The following XPA variants were observed in gnomAD, a reference collection of about 807,000 sequenced individuals.
XPA encodes DNA repair protein complementing XP-A cells.
A neutral mutation model predicts 35.7 loss-of-function variants in XPA; 27 were observed. The ratio of observed to expected loss-of-function variants is 0.76; its 90% confidence interval spans 0.56 to 1.04. The LOEUF (loss-of-function observed/expected upper bound fraction) is 1.04, where lower values mean the gene tolerates loss of function less well. Ranked by LOEUF, XPA falls within the 50% of genes least tolerant of loss-of-function variation. XPA has a pLI of 0.00. For synonymous variants in XPA, 133 were observed against 118.4 expected (o/e 1.12, Z -0.80); for missense variants, 354 against 342.7 (o/e 1.03, Z -0.26).
chr9:97,666,852 A>C, the XPA span: 1 of 1,609,662 alleles, frequency 6.2e-7, no homozygotes, highest in South Asian at 1.1e-5. Flanking sequence ...GAAGCTAAAG[A>C]GAAACTTGCT....
At chr9:97,657,910 A>C in the XPA span, among the ~76,000 whole-genome samples, 31,889 of 105,182 alleles carry the variant, frequency 0.3, 4,672 homozygotes, top group South Asian at 0.44. Context: ...CTCTCTCTAT[A>C]TATATATATA....
intron 5 of XPA, 143 bp downstream of exon 5, chr9:97,684,780 A>G (rs1828659022): frequency 1.3e-6 from 1 of 748,646 alleles, no homozygotes; most frequent in East Asian, 2.6e-5. Context: ...CAACATACTG[A>G]GGGCAAACTG....
chr9:97,677,003 A>G (rs1428149208), intron 5 of XPA, among the ~76,000 whole-genome samples: 1 of 152,166 alleles, frequency 6.6e-6, no homozygotes, highest in Non-Finnish European at 1.5e-5. Context: ...CCAGAACTCC[A>G]CAGATGCCCT....
In XPA at chr9:97,675,423, TCACTG is replaced by T; in HGVS notation, c.*11_*15del. The T allele has an allele frequency of 6.2e-7, 1 of 1,612,012 alleles. No homozygotes were observed. On this transcript the variant is annotated 3_prime_UTR_variant, in exon 6 of 6. Coordinates refer to ENST00000375128, the MANE Select transcript of XPA (RefSeq NM_000380.4). ...TAAATATAAAATTCTATAAAACAGG[TCACTG>T]AACTAAAAAATCACATTTTTTCATA...
chr9:97,690,496 T>G lies in XPA; in HGVS notation c.284-857A>C, dbSNP rs149160477. On this transcript the variant is annotated intron_variant, in intron 2 of 5. Coordinates refer to ENST00000375128, the MANE Select transcript of XPA (RefSeq NM_000380.4). ...TTCACCTCCTGGGTTCAAGCGATTC[T>G]CCTGCCTCAGCCTCCCAAGTAGCTG... Among the ~76,000 whole-genome samples the G allele has an allele frequency of 1.2e-3, 189 of 152,370 alleles. 1 individual carries two copies. Among genetic ancestry groups the G allele is most frequent in the African/African-American group, 4.4e-3 (181 of 41,590 alleles).
chr9:97,668,760 A>C, the XPA span: 1 of 1,444,560 alleles, frequency 6.9e-7, no homozygotes, highest in Non-Finnish European at 9.3e-7. Flanking sequence ...ACATTTGGCC[A>C]GACACAGTAA....
chr9:97,687,344 A>G (rs780806877), intron 3 of XPA, 83 bp from the exon 4 acceptor site: 6 of 1,241,434 alleles, frequency 4.8e-6, no homozygotes, highest in Non-Finnish European at 5.5e-6. Flanking sequence ...TTAGGGGCAC[A>G]CACAGCAAAA....
At chr9:97,671,457 A>AT (rs954400059), downstream of XPA, 38 of 363,544 alleles carry the variant, frequency 1.0e-4, no homozygotes, top group Non-Finnish European at 1.2e-4. Flanking sequence ...TCAGTTTGTT[A>AT]TTTTTTTTCT....
intron 5 of XPA, among the ~76,000 whole-genome samples, chr9:97,678,573 C>T (rs1480428489): frequency 6.6e-6 from 1 of 152,106 alleles, no homozygotes; most frequent in Non-Finnish European, 1.5e-5. Flanking sequence ...GTAAATGGGG[C>T]AAAGGATGCT....
Position 97,697,162 on chromosome 9 carries a change from G to T in XPA, c.131C>A (p.Ala44Asp). 6.3e-7 allele frequency: 1 copy of T among 1,575,444 alleles called. No homozygotes were observed. The highest frequency in any genetic ancestry group is 8.6e-7 in the Non-Finnish European group (1 of 1,164,420). ...RALMLRQARL[A>D]ARPYSATAAA... ...CGCCGTCGCCGAGTAGGGCCGGGCA[G>T]CCAGCCGGGCCTGGCGCAGCATCAG... is the stretch of plus-strand genomic sequence containing the variant. The change falls in exon 1 of 6, where the codon GCT becomes GAT. Residue 44 changes from alanine to aspartate, a missense_variant. Coordinates refer to ENST00000375128, the MANE Select transcript of XPA (RefSeq NM_000380.4).
At chr9:97,685,168 G>T in intron 4 of XPA, 128 bp from the exon 5 acceptor site, 25 of 647,782 alleles carry the variant, frequency 3.9e-5, no homozygotes, top group East Asian at 9.2e-5. Context: ...ATACTTATTA[G>T]AAATTTAAAG....
At chr9:97,655,292 C>T in the XPA span, among the ~76,000 whole-genome samples, 1 of 152,128 alleles carries the variant, frequency 6.6e-6, no homozygotes, top group Non-Finnish European at 1.5e-5. Context: ...CTCATTGTAA[C>T]CTTGAACTTA....
At chr9:97,694,827 G>A (rs182501661) in intron 1 of XPA, among the ~76,000 whole-genome samples, 1 of 152,110 alleles carries the variant, frequency 6.6e-6, no homozygotes, top group Non-Finnish European at 1.5e-5. Context: ...GGTTTCATTC[G>A]TAACAGCCCC....
the XPA span, among the ~76,000 whole-genome samples, chr9:97,663,641 C>A: frequency 6.6e-6 from 1 of 151,838 alleles, no homozygotes; most frequent in African/African-American, 2.4e-5. Flanking sequence ...TCCACCACCA[C>A]ACCTGGCTGA....
intron 5 of XPA, among the ~76,000 whole-genome samples, chr9:97,677,538 T>A (rs575804163): frequency 1.6e-3 from 236 of 151,944 alleles, no homozygotes; most frequent in Admixed American, 2.6e-3. Context: ...ATTAAAAAAA[T>A]TTTTTTAATT....
intron 4 of XPA, 112 bp from the exon 5 acceptor site, chr9:97,685,152 T>G (rs1828676051): frequency 1.4e-6 from 1 of 730,046 alleles, no homozygotes. Context: ...AAGTATAAAT[T>G]TATAAATACT....
chr9:97,685,929 T>A (rs1276392843), intron 4 of XPA, among the ~76,000 whole-genome samples: 1 of 152,208 alleles, frequency 6.6e-6, no homozygotes, highest in East Asian at 1.9e-4. Context: ...TGTGCAAAAG[T>A]CGTGATATAT....
At chr9:97,656,171 G>T in the XPA span, 2 of 1,130,802 alleles carry the variant, frequency 1.8e-6, no homozygotes, top group Non-Finnish European at 1.3e-6. Context: ...TCAGAATATT[G>T]GATTCAAAAT....
At chr9:97,658,063 T>C in the XPA span, among the ~76,000 whole-genome samples, 1 of 151,968 alleles carries the variant, frequency 6.6e-6, no homozygotes, top group Non-Finnish European at 1.5e-5. Context: ...CCCTAGTTTC[T>C]AGTAAAGTAG....
Sources: allele counts gnomAD v4.1 joint callset (sites outside exome capture counted in the v4.1 genomes callset), GRCh38; gene constraint gnomAD v4.1.1; transcripts MANE v1.5; gene names NCBI Gene and HGNC (gene_info 2026-07-23, HGNC 2026-07-21).